The following RALY variants were observed in gnomAD, a reference collection of about 807,000 sequenced individuals.
RALY encodes the protein RNA-binding protein Raly.
A neutral mutation model predicts 30.7 loss-of-function variants in RALY; 15 were observed. That is an observed-to-expected ratio of 0.49 (90% CI 0.33 to 0.75). RALY has a LOEUF of 0.75. RALY is among the 30% of genes least tolerant of loss of function. The pLI, the probability that RALY is intolerant of heterozygous loss-of-function variation, is 0.02. For synonymous variants in RALY, 177 were observed against 170.8 expected, an observed-to-expected ratio of 1.04 and a Z score of -0.28; for missense variants, 339 against 414.3, an observed-to-expected ratio of 0.82 and a Z score of 1.58.
At chr20:34,033,678 A>C (rs536159022) in intron 2 of RALY, among the ~76,000 whole-genome samples, 1 of 152,284 alleles carries the variant, frequency 6.6e-6, no homozygotes, top group East Asian at 1.9e-4. Flanking sequence ...CAACGATCCA[A>C]ACCTCCCATT....
At chr20:34,010,375 C>T (rs745323585) in intron 1 of RALY, among the ~76,000 whole-genome samples, 1 of 152,074 alleles carries the variant, frequency 6.6e-6, no homozygotes, top group Non-Finnish European at 1.5e-5. Flanking sequence ...ACTACAGGCA[C>T]GCACCACCAT....
At chr20:34,024,347 A>G (rs965714997) in intron 1 of RALY, among the ~76,000 whole-genome samples, 2 of 152,210 alleles carry the variant, frequency 1.3e-5, no homozygotes, top group Non-Finnish European at 2.9e-5. Context: ...AAAAGAAAAC[A>G]GTAATTACTC....
chr20:34,047,733 T>C (rs1368038827), intron 2 of RALY, among the ~76,000 whole-genome samples: 1 of 152,200 alleles, frequency 6.6e-6, no homozygotes, highest in Non-Finnish European at 1.5e-5. Flanking sequence ...ATATCTGCTT[T>C]TGAGGTTGTG....
intron 2 of RALY, among the ~76,000 whole-genome samples, chr20:34,045,164 G>A (rs934663733): frequency 6.6e-6 from 1 of 152,056 alleles, no homozygotes; most frequent in Admixed American, 6.6e-5. Flanking sequence ...CTCCTGCCTC[G>A]GAGGCCTCCC....
chr20:34,040,535 C>G (rs2032661903), intron 2 of RALY, among the ~76,000 whole-genome samples: 1 of 152,236 alleles, frequency 6.6e-6, no homozygotes, highest in South Asian at 2.1e-4. Context: ...GAGCCACTCA[C>G]AGCTCTGATC....
chr20:33,995,962 C>T (rs193206870), intron 1 of RALY, among the ~76,000 whole-genome samples: 1 of 152,170 alleles, frequency 6.6e-6, no homozygotes, highest in Non-Finnish European at 1.5e-5. Context: ...GTTTTATAGT[C>T]CCCACCCCTT....
intron 3 of RALY, among the ~76,000 whole-genome samples, chr20:34,072,935 TG>T: frequency 7.3e-6 from 1 of 136,416 alleles, no homozygotes; most frequent in South Asian, 2.3e-4. Flanking sequence ...ATGTAGTGTG[TG>T]TGTGTGTGTG....
chr20:34,001,881 C>T (rs2030933233), intron 1 of RALY, among the ~76,000 whole-genome samples: 1 of 152,148 alleles, frequency 6.6e-6, no homozygotes, highest in Non-Finnish European at 1.5e-5. Flanking sequence ...ATTCTCCTGC[C>T]TCAGCCTCCT....
In RALY at chr20:34,083,656, AG is replaced by A. The variant is rs2034063083; in HGVS notation, c.*3752del. ...GACTGTTTGGAAATACTGACATGAT[AG>A]TTTGGCAGTTTCTCTTATGAGCATG... On this transcript the variant is annotated 3_prime_UTR_variant, in exon 10 of 10. Transcript: ENST00000246194. 6.6e-6 allele frequency: 1 copy of A among 152,240 alleles called. No homozygotes were observed. The highest frequency in any genetic ancestry group is 1.5e-5 in the Non-Finnish European group (1 of 68,044). The allele number at this position is 152,240 out of a possible 1,614,324, so 9.4% of individuals were successfully genotyped here. A position where few individuals can be genotyped will look rare whatever the true frequency, so the allele number is the denominator to read the frequency against.
At chr20:34,032,721 G>T (rs1378556225) in intron 2 of RALY, among the ~76,000 whole-genome samples, 3 of 151,984 alleles carry the variant, frequency 2.0e-5, no homozygotes, top group Non-Finnish European at 4.4e-5. Flanking sequence ...ATTTGCCCAG[G>T]GTTTACACCT....
chr20:33,994,814 A>G (rs1316918701), intron 1 of RALY, among the ~76,000 whole-genome samples: 1 of 152,160 alleles, frequency 6.6e-6, no homozygotes, highest in Non-Finnish European at 1.5e-5. Context: ...AATATGTGAA[A>G]GAAGTGTTTA....
At chr20:34,010,400 A>G (rs1396830883) in intron 1 of RALY, among the ~76,000 whole-genome samples, 1 of 151,784 alleles carries the variant, frequency 6.6e-6, no homozygotes, top group African/African-American at 2.4e-5. Flanking sequence ...TGTTGTTTTT[A>G]TTTTTTTATT....
At chr20:34,061,303 C>T (rs2033410406) in intron 2 of RALY, among the ~76,000 whole-genome samples, 1 of 152,118 alleles carries the variant, frequency 6.6e-6, no homozygotes, top group Non-Finnish European at 1.5e-5. Flanking sequence ...CTCCCTATCC[C>T]CTTCTCTCTT....
chr20:34,044,071 C>CACAGAA (rs1317008303), intron 2 of RALY, among the ~76,000 whole-genome samples: 4 of 151,920 alleles, frequency 2.6e-5, no homozygotes, highest in African/African-American at 4.8e-5. Flanking sequence ...AGGACAGAGG[C>CACAGAA]ACAGAAGCTT....
chr20:34,075,755 AG>A, intron 5 of RALY, 118 bp from the exon 6 acceptor site: 1 of 1,117,550 alleles, frequency 8.9e-7, no homozygotes, highest in Non-Finnish European at 1.2e-6. Flanking sequence ...GAGCCAGCAG[AG>A]GTGTGTAGTG....
chr20:34,064,874 C>T (rs1007203782), intron 2 of RALY, among the ~76,000 whole-genome samples: 2 of 152,168 alleles, frequency 1.3e-5, no homozygotes, highest in African/African-American at 4.8e-5. Flanking sequence ...TTCCGTTTTG[C>T]AGTTGAGGAC....
intron 6 of RALY, 32 bp from the exon 7 acceptor site, chr20:34,076,670 A>G (rs761427828): frequency 1.3e-6 from 2 of 1,573,828 alleles, no homozygotes; most frequent in South Asian, 2.2e-5. Context: ...CCAGCCCCCT[A>G]GGTGACAGCC....
intron 2 of RALY, among the ~76,000 whole-genome samples, chr20:34,063,295 G>C (rs2033469424): frequency 6.6e-6 from 1 of 152,106 alleles, no homozygotes; most frequent in Non-Finnish European, 1.5e-5. Flanking sequence ...TAAAACCTAG[G>C]TCATATGGCA....
At chr20:34,077,495 G>A (rs992075646) in intron 8 of RALY, 45 of 696,314 alleles carry the variant, frequency 6.5e-5, no homozygotes, top group Middle Eastern at 4.1e-4. Context: ...TCTGGCCTCC[G>A]GTTTCCACAT....
Sources: allele counts gnomAD v4.1 joint callset (sites outside exome capture counted in the v4.1 genomes callset), GRCh38; gene constraint gnomAD v4.1.1; transcripts MANE v1.5; gene names NCBI Gene and HGNC (gene_info 2026-07-23, HGNC 2026-07-21).